Variants in ACTR2 observed in about 807,000 individuals in gnomAD.
The protein encoded by ACTR2 is actin-related protein 2.
In ACTR2, 5 loss-of-function variants were observed where a neutral mutation model predicts 50.2. The observed-to-expected ratio is 0.10, with a 90% CI of 0.05 to 0.21. The LOEUF (loss-of-function observed/expected upper bound fraction) is 0.21. ACTR2 is among the 10% of genes least tolerant of loss of function. ACTR2 has a pLI of 1.00. For synonymous variants in ACTR2, 140 were observed against 162.9 expected (o/e 0.86, Z 1.07); for missense variants, 180 against 480.6 (o/e 0.37, Z 5.85).
At chr2:65,246,785 A>G in intron 3 of ACTR2, 46 bp downstream of exon 3, 2 of 1,314,088 alleles carry the variant, frequency 1.5e-6, no homozygotes, top group South Asian at 2.7e-5. Flanking sequence ...CTGTGATATT[A>G]TGTTAAATCA....
At chr2:65,246,989 A>G (rs1433290604) in intron 3 of ACTR2, among the ~76,000 whole-genome samples, 2 of 152,074 alleles carry the variant, frequency 1.3e-5, no homozygotes, top group African/African-American at 4.8e-5. Flanking sequence ...TTAAGTTTTT[A>G]ATTTAGTGAG....
In ACTR2 at chr2:65,246,505, C is replaced by T. The variant is rs1419357540; in HGVS notation, c.160-19C>T. ...TATTATGCAAAACTTTGATCTACAG[C>T]TTTGACATAATTTTCTAGGATCTTA... is the stretch of plus-strand genomic sequence containing the variant. On this transcript the variant is annotated intron_variant, in intron 2 of 8. Transcript: ENST00000260641. 6.5e-7 allele frequency: 1 copy of T among 1,547,392 alleles called. No homozygotes were observed. The highest frequency in any genetic ancestry group is 2.3e-5 in the East Asian group (1 of 43,332).
intron 1 of ACTR2, among the ~76,000 whole-genome samples, chr2:65,232,852 A>G (rs1671665741): frequency 6.6e-6 from 1 of 152,242 alleles, no homozygotes; most frequent in Admixed American, 6.5e-5. Context: ...ACACAGCCTT[A>G]CTGCACACAA....
chr2:65,262,802 T>C (rs993562780), intron 7 of ACTR2, among the ~76,000 whole-genome samples: 3 of 151,720 alleles, frequency 2.0e-5, no homozygotes, highest in African/African-American at 7.3e-5. Context: ...ACATAAATTT[T>C]TTTCAAAAAG....
intron 2 of ACTR2, among the ~76,000 whole-genome samples, chr2:65,245,498 C>T (rs955902595): frequency 6.6e-6 from 1 of 152,118 alleles, no homozygotes; most frequent in Non-Finnish European, 1.5e-5. Context: ...CTAGCCTGGG[C>T]AGTAGAGCGA....
intron 6 of ACTR2, among the ~76,000 whole-genome samples, chr2:65,259,457 G>A (rs192631779): frequency 1.3e-5 from 2 of 152,160 alleles, no homozygotes; most frequent in Admixed American, 1.3e-4. Flanking sequence ...GCCAGGCATG[G>A]TGGCTCATGC....
intron 1 of ACTR2, among the ~76,000 whole-genome samples, chr2:65,238,063 G>T (rs1213768568): frequency 6.6e-6 from 1 of 151,906 alleles, no homozygotes. Flanking sequence ...AGCTACTTGG[G>T]AGGCTGAGGT....
At chr2:65,228,611 C>T (rs1448305599) in intron 1 of ACTR2, among the ~76,000 whole-genome samples, 3 of 151,918 alleles carry the variant, frequency 2.0e-5, no homozygotes, top group African/African-American at 7.3e-5. Context: ...CCAGCATGTT[C>T]CATTGAGTGG....
chr2:65,246,294 C>CA (rs1179570100), intron 2 of ACTR2: 9 of 343,558 alleles, frequency 2.6e-5, no homozygotes, highest in Non-Finnish European at 4.2e-5. Context: ...CTTTTGGAAA[C>CA]ATTTGTGTTA....
intron 4 of ACTR2, among the ~76,000 whole-genome samples, chr2:65,253,395 A>G (rs908628514): frequency 4.0e-5 from 6 of 151,816 alleles, no homozygotes; most frequent in African/African-American, 1.5e-4. Context: ...GTGAGCCTAG[A>G]TTGAGCCACT....
Position 65,244,343 on chromosome 2 carries a change from T to C in ACTR2, c.160-2181T>C, listed in dbSNP as rs1573154727. Among the ~76,000 whole-genome samples the C allele has an allele frequency of 3.3e-5, 5 of 149,488 alleles. No individual in the cohort carries two copies. The Middle Eastern group carries it at 0.017, about 515-fold the overall frequency. ...AAAGACGTAAAGTTAGTAACAAAAATGGTATATATAATTACAGGTATAGAT... is the reference window on the plus strand; with the variant it reads ...AAAGACGTAAAGTTAGTAACAAAAACGGTATATATAATTACAGGTATAGAT... On this transcript the variant is annotated intron_variant, in intron 2 of 8. Coordinates refer to ENST00000260641, the MANE Select transcript of ACTR2 (RefSeq NM_005722.4).
chr2:65,252,912 G>T (rs141620742), intron 4 of ACTR2, among the ~76,000 whole-genome samples: 352 of 152,260 alleles, frequency 2.3e-3, no homozygotes, highest in Middle Eastern at 0.01. Context: ...GGAAACAGGG[G>T]AAACAAAGCA....
chr2:65,260,502 CTCAA>C (rs1338004893), intron 6 of ACTR2, among the ~76,000 whole-genome samples: 6 of 152,316 alleles, frequency 3.9e-5, no homozygotes, highest in South Asian at 2.1e-4. Context: ...GAAACTCTGT[CTCAA>C]TCAATCAGTC....
At chr2:65,255,123 C>T (rs1178708287) in intron 5 of ACTR2, among the ~76,000 whole-genome samples, 3 of 152,094 alleles carry the variant, frequency 2.0e-5, no homozygotes, top group African/African-American at 7.2e-5. Context: ...AGACACAGTA[C>T]TAGAAGCTAA....
At chr2:65,266,505 A>G (rs1672375052) in intron 8 of ACTR2, among the ~76,000 whole-genome samples, 1 of 152,170 alleles carries the variant, frequency 6.6e-6, no homozygotes. Flanking sequence ...GGTCTTGTTC[A>G]GCCATGGTAA....
chr2:65,261,375 A>G lies in ACTR2; in HGVS notation c.864A>G (p.Ala288=), dbSNP rs747263837. 4 of 1,613,938 alleles carry G rather than the reference A, an allele frequency of 2.5e-6. No individual in the cohort carries two copies. In the South Asian group the frequency reaches 4.4e-5, roughly 18 times the overall value. Residue 288 remains alanine (A), a synonymous_variant, in exon 7 of 9, where the codon GCA becomes GCG. Transcript: ENST00000260641. ...VAELLFNTIQ[A]ADIDTRSEFY... Reference sequence around the variant, plus strand: ...AATTGCTTTTTAACACAATTCAGGCAGCTGACATTGATACCAGGTACATTA... The same window carrying G: ...AATTGCTTTTTAACACAATTCAGGCGGCTGACATTGATACCAGGTACATTA...
At chr2:65,261,178 A>G in intron 6 of ACTR2, 69 bp from the exon 7 acceptor site, 4 of 1,504,702 alleles carry the variant, frequency 2.7e-6, no homozygotes, top group African/African-American at 1.4e-5. Context: ...TATAAGTACT[A>G]GTGTTCCGGA....
chr2:65,255,844 A>G (rs762715912), intron 6 of ACTR2, 150 bp downstream of exon 6: 3 of 577,282 alleles, frequency 5.2e-6, no homozygotes, highest in Non-Finnish European at 5.5e-6. Context: ...CTCTTTCTAC[A>G]TTAAGTTTCT....
At chr2:65,237,480 G>T (rs1374186456) in intron 1 of ACTR2, among the ~76,000 whole-genome samples, 1 of 152,032 alleles carries the variant, frequency 6.6e-6, no homozygotes, top group Non-Finnish European at 1.5e-5. Context: ...GGGCTCAAGT[G>T]ATCTACCTGC....
Sources: gnomAD v4.1 joint callset for allele counts (sites outside exome capture counted in the v4.1 genomes callset) on GRCh38, gnomAD v4.1.1 for gene constraint, MANE v1.5 for transcripts, NCBI Gene and HGNC (gene_info 2026-07-23, HGNC 2026-07-21) for gene names.